The following ADGRL3 variants were observed in gnomAD, a reference collection of about 807,000 sequenced individuals.
ADGRL3 encodes calcium-independent alpha-latrotoxin receptor 3.
In ADGRL3, 62 loss-of-function variants were observed where a neutral mutation model predicts 153.5. That is an observed-to-expected ratio of 0.40 (90% CI 0.33 to 0.50). The LOEUF is 0.50. Among genes scored for constraint, ADGRL3 ranks in the 20% least tolerant of loss-of-function variants. ADGRL3 has a pLI of 0.47. For missense variants in ADGRL3, 1,641 were observed against 1,859.4 expected (o/e 0.88, Z 2.16); for synonymous variants, 710 against 672.5 (o/e 1.06, Z -0.86).
At chr4:61,862,789 C>A (rs1480556796) in intron 9 of ADGRL3, among the ~76,000 whole-genome samples, 4 of 152,044 alleles carry the variant, frequency 2.6e-5, no homozygotes, top group Non-Finnish European at 5.9e-5. Flanking sequence ...ACAAGATCTC[C>A]CAGTGATTCT....
chr4:61,433,846 C>G lies in ADGRL3; in HGVS notation c.-174+50657C>G, dbSNP rs1273832481. ...TAAAATCTTTTTCTGCCTTTCCAGA[C>G]TCTTCTATCCACCAGTCTTCCTTAT... On this transcript the variant is annotated intron_variant, in intron 2 of 26. Transcript: ENST00000683033. 2.6e-5 allele frequency among the ~76,000 whole-genome samples: 4 copies of G among 152,174 alleles called. No individual in the cohort carries two copies. The East Asian group carries it at 5.8e-4, about 22-fold the overall frequency.
chr4:61,849,535 G>A (rs1203989539), intron 9 of ADGRL3, among the ~76,000 whole-genome samples: 2 of 151,004 alleles, frequency 1.3e-5, no homozygotes, highest in Admixed American at 6.6e-5. Flanking sequence ...TTCTCCCATT[G>A]AGCCCAAGCA....
intron 2 of ADGRL3, among the ~76,000 whole-genome samples, chr4:61,478,122 A>G (rs2152720901): frequency 6.6e-6 from 1 of 152,192 alleles, no homozygotes; most frequent in Non-Finnish European, 1.5e-5. Context: ...TTCATTTGGG[A>G]CAGAATCTTC....
intron 2 of ADGRL3, among the ~76,000 whole-genome samples, chr4:61,433,989 A>G (rs2097409446): frequency 6.6e-6 from 1 of 152,168 alleles, no homozygotes; most frequent in South Asian, 2.1e-4. Context: ...CTTCCAAAAT[A>G]TGTCTTAAAT....
intron 1 of ADGRL3, among the ~76,000 whole-genome samples, chr4:61,331,214 A>T (rs2095565975): frequency 2.0e-5 from 3 of 152,192 alleles, no homozygotes; most frequent in African/African-American, 7.2e-5. Context: ...CTCTAGTATA[A>T]ATACCTATAC....
chr4:61,831,485 G>A (rs2097868919), intron 9 of ADGRL3, among the ~76,000 whole-genome samples: 1 of 150,110 alleles, frequency 6.7e-6, no homozygotes, highest in African/African-American at 2.5e-5. Flanking sequence ...CAGGGGAGGT[G>A]GGGTAGGTAT....
chr4:62,022,385 G>T (rs1220242796), intron 21 of ADGRL3, among the ~76,000 whole-genome samples: 1 of 152,162 alleles, frequency 6.6e-6, no homozygotes, highest in Non-Finnish European at 1.5e-5. Context: ...GCAAGATGAA[G>T]CAGAGAGTGC....
chr4:61,641,772 C>G (rs958220217), intron 5 of ADGRL3, among the ~76,000 whole-genome samples: 4 of 151,100 alleles, frequency 2.6e-5, no homozygotes, highest in African/African-American at 9.7e-5. Context: ...TTTATAGCAG[C>G]ATGATTTATA....
chr4:61,790,684 G>A (rs563350316), intron 8 of ADGRL3, among the ~76,000 whole-genome samples: 12 of 152,212 alleles, frequency 7.9e-5, no homozygotes, highest in Admixed American at 5.9e-4. Flanking sequence ...ATTAGTTTAG[G>A]TTCTGTATTA....
At chr4:61,629,711 C>T (rs575864292) in intron 5 of ADGRL3, among the ~76,000 whole-genome samples, 55 of 94,860 alleles carry the variant, frequency 5.8e-4, no homozygotes, top group African/African-American at 2.1e-3. Flanking sequence ...TGCAAGACTC[C>T]GTCTCGGGGC....
intron 8 of ADGRL3, among the ~76,000 whole-genome samples, chr4:61,800,463 A>G (rs531432721): frequency 3.1e-4 from 47 of 152,252 alleles, no homozygotes; most frequent in African/African-American, 1.1e-3. Flanking sequence ...TAGAGGGTCC[A>G]TTCTAGTCTG....
At position 61,257,836 on chromosome 4, in the gene ADGRL3, G is replaced by GGTGTGTGTGT. The variant is rs10635406; in HGVS notation, c.-240+56088_-240+56097dup. On this transcript the variant is annotated intron_variant, in intron 1 of 26. Coordinates refer to ENST00000683033, the MANE Select transcript of ADGRL3 (RefSeq NM_001387552.1). ...ATTTATTTCGCTTAATTGAATTAGAGGTGTGTGTGTGTGTGTGTGTGTGTG... is the reference window on the plus strand; with the variant it reads ...ATTTATTTCGCTTAATTGAATTAGAGGTGTGTGTGTGTGTGTGTGTGTGTGTGTGTGTGTG... Among the ~76,000 whole-genome samples, 510 of 150,628 alleles carry GGTGTGTGTGT rather than the reference G, an allele frequency of 3.4e-3. 2 individuals are homozygous for GGTGTGTGTGT. Among genetic ancestry groups the GGTGTGTGTGT allele is most frequent in the Non-Finnish European group, 5.7e-3 (385 of 67,584 alleles).
chr4:61,680,712 C>T (rs1490495967), intron 6 of ADGRL3, among the ~76,000 whole-genome samples: 4 of 151,838 alleles, frequency 2.6e-5, no homozygotes, highest in South Asian at 4.1e-4. Context: ...TCAAATGGTA[C>T]GACTTTTAAA....
intron 1 of ADGRL3, among the ~76,000 whole-genome samples, chr4:61,343,942 T>C (rs1157572215): frequency 1.3e-5 from 2 of 152,230 alleles, no homozygotes; most frequent in Non-Finnish European, 2.9e-5. Context: ...CTTCACTTTA[T>C]GTGCTTGTTT....
intron 2 of ADGRL3, among the ~76,000 whole-genome samples, chr4:61,442,053 G>A (rs989001930): frequency 6.6e-5 from 10 of 152,140 alleles, no homozygotes; most frequent in African/African-American, 2.2e-4. Flanking sequence ...AATGCACCTA[G>A]GATGTACAAT....
chr4:61,479,210 T>A (rs1037669), intron 2 of ADGRL3, among the ~76,000 whole-genome samples: 1 of 152,070 alleles, frequency 6.6e-6, no homozygotes, highest in Non-Finnish European at 1.5e-5. Flanking sequence ...CCAACCAGAA[T>A]CTAAGTTTTC....
At chr4:61,962,238 C>CA (rs200604832) in intron 17 of ADGRL3, among the ~76,000 whole-genome samples, 9 of 148,636 alleles carry the variant, frequency 6.1e-5, no homozygotes, top group South Asian at 2.1e-4. Context: ...GCCTCCATCT[C>CA]AAAAAAAAAG....
intron 11 of ADGRL3, among the ~76,000 whole-genome samples, chr4:61,903,022 A>G (rs1041389921): frequency 6.6e-6 from 1 of 152,222 alleles, no homozygotes; most frequent in African/African-American, 2.4e-5. Flanking sequence ...ATGAACAATC[A>G]GTGAAATAAT....
chr4:61,636,449 A>G (rs771820634), intron 5 of ADGRL3, among the ~76,000 whole-genome samples: 1 of 152,172 alleles, frequency 6.6e-6, no homozygotes, highest in African/African-American at 2.4e-5. Context: ...AGATAATGGA[A>G]TAACATATTT....
Sources: allele counts gnomAD v4.1 joint callset (sites outside exome capture counted in the v4.1 genomes callset), GRCh38; gene constraint gnomAD v4.1.1; transcripts MANE v1.5; gene names NCBI Gene and HGNC (gene_info 2026-07-23, HGNC 2026-07-21).